Variants in NCAPG2 observed in about 807,000 individuals in gnomAD.
The protein encoded by NCAPG2 is non-SMC condensin II complex subunit G2.
In NCAPG2, 53 loss-of-function variants were observed where a neutral mutation model predicts 141.1. That is an observed-to-expected ratio of 0.38 (90% CI 0.30 to 0.47). NCAPG2 has a LOEUF of 0.47. NCAPG2 is among the 20% of genes least tolerant of loss of function. The pLI is 0.99. For synonymous variants in NCAPG2, 499 were observed against 490.7 expected (o/e 1.02, Z -0.22); for missense variants, 1,087 against 1,389.0 (o/e 0.78, Z 3.46).
chr7:158,643,681 G>A (rs535605404), intron 27 of NCAPG2, among the ~76,000 whole-genome samples: 2 of 152,326 alleles, frequency 1.3e-5, no homozygotes, highest in East Asian at 1.9e-4. Flanking sequence ...GCTTTACAAC[G>A]CTTCACCTAT....
chr7:158,704,279 A>AG (rs747625269), intron 1 of NCAPG2, among the ~76,000 whole-genome samples: 1 of 125,680 alleles, frequency 8.0e-6, no homozygotes, highest in South Asian at 2.8e-4. Flanking sequence ...CTCAGGACTG[A>AG]GGGGGTCGCT....
At chr7:158,689,728 A>T (rs537174479) in intron 6 of NCAPG2, 91 bp downstream of exon 6, 4 of 1,211,654 alleles carry the variant, frequency 3.3e-6, no homozygotes, top group Non-Finnish European at 4.4e-6. Flanking sequence ...AGCAACACCG[A>T]GCATGGTGCA....
At chr7:158,671,758 C>G in intron 12 of NCAPG2, 92 bp from the exon 13 acceptor site, 1 of 1,379,844 alleles carries the variant, frequency 7.2e-7, no homozygotes, top group Non-Finnish European at 1.0e-6. Context: ...ACATTCGGTT[C>G]CATCTTTATT....
intron 2 of NCAPG2, among the ~76,000 whole-genome samples, chr7:158,695,038 T>C (rs1020526262): frequency 1.3e-5 from 2 of 152,198 alleles, no homozygotes; most frequent in Non-Finnish European, 1.5e-5. Flanking sequence ...GCCTCAATTA[T>C]GCAGAAAAAA....
At chr7:158,671,718 G>C in intron 12 of NCAPG2, 52 bp from the exon 13 acceptor site, 1 of 1,578,794 alleles carries the variant, frequency 6.3e-7, no homozygotes, top group Non-Finnish European at 8.6e-7. Flanking sequence ...GCCAATGAAA[G>C]GTTCAGGTAG....
chr7:158,677,525 C>CAAAAAAAAAAAAA, intron 11 of NCAPG2, among the ~76,000 whole-genome samples: 182 of 90,378 alleles, frequency 2.0e-3, no homozygotes, highest in Non-Finnish European at 2.4e-3. Flanking sequence ...AAAAATAAAG[C>CAAAAAAAAAAAAA]AAAAAAAAAA....
intron 26 of NCAPG2, 46 bp downstream of exon 26, chr7:158,645,473 A>G: frequency 6.5e-7 from 1 of 1,536,796 alleles, no homozygotes; most frequent in Non-Finnish European, 9.0e-7. Context: ...AGCACCTGTG[A>G]GGTGCACCAG....
In NCAPG2 at chr7:158,686,187, T is replaced by C; in HGVS notation, c.822A>G (p.Ser274=). 1 of 1,573,534 alleles carries C rather than the reference T, an allele frequency of 6.4e-7. No individual in the cohort carries two copies. Among genetic ancestry groups the C allele is most frequent in the Non-Finnish European group, 8.6e-7 (1 of 1,158,978 alleles). The part of the protein sequence containing the change: ...EIYFRAWKKA[S]GKILEAIEND... ...ATGAAAATACCTCCAGTATTTTCCC[T>C]GAAGCCTTTTTCCAAGCTCTGAAAT... The change falls in exon 8 of 28, where the codon TCA becomes TCG. Residue 274 remains serine (S), a synonymous_variant. Transcript: ENST00000356309.
intron 18 of NCAPG2, 45 bp downstream of exon 18, chr7:158,656,507 T>G (rs1398288666): frequency 1.2e-6 from 2 of 1,612,266 alleles, no homozygotes. Context: ...TAATACACAG[T>G]TATCCTCACT....
Position 158,671,754 on chromosome 7 carries a change from G to A in NCAPG2, c.1327-88C>T, listed in dbSNP as rs2290390. ...GAAAACTTCATTAAAGAAAACATTC[G>A]GTTCCATCTTTATTAGAACTACTAG... On this transcript the variant is annotated intron_variant, in intron 12 of 27. Coordinates refer to ENST00000356309, the MANE Select transcript of NCAPG2 (RefSeq NM_017760.7). 4,949 of 1,414,162 alleles carry A rather than the reference G, an allele frequency of 3.5e-3. 221 individuals are homozygous for A. The East Asian group carries it at 0.094, about 27-fold the overall frequency. The allele number at this position is 1,414,162 out of a possible 1,614,324, so 87.6% of individuals were successfully genotyped here.
At chr7:158,703,862 C>A (rs1330507910) in intron 1 of NCAPG2, among the ~76,000 whole-genome samples, 3 of 152,362 alleles carry the variant, frequency 2.0e-5, no homozygotes, top group South Asian at 2.1e-4. Flanking sequence ...ACAATGCCCA[C>A]GTCCACAGCT....
rs369404266 is a variant in NCAPG2, at chr7:158,662,383, T to C, written c.1816-16A>G. ...TGTCCAGAACCTAAGATAAAAATAA[T>C]TTTATTGTGAAAGGATCTAATCATA... On this transcript the variant is annotated splice_polypyrimidine_tract_variant and intron_variant, in intron 15 of 27. Coordinates refer to ENST00000356309, the MANE Select transcript of NCAPG2 (RefSeq NM_017760.7). 2.8e-5 allele frequency: 43 copies of C among 1,537,536 alleles called. No homozygotes were observed. Among genetic ancestry groups the C allele is most frequent in the Non-Finnish European group, 3.4e-5 (39 of 1,145,070 alleles).
intron 12 of NCAPG2, among the ~76,000 whole-genome samples, chr7:158,672,592 CG>C (rs1020541600): frequency 7.2e-5 from 11 of 152,038 alleles, no homozygotes; most frequent in Middle Eastern, 3.4e-3. Flanking sequence ...CTGCCCGCCT[CG>C]GCCTCCCAAA....
Position 158,632,076 on chromosome 7 carries a change from CA to C in NCAPG2, c.3381-360del, listed in dbSNP as rs555047167. 7.8e-3 allele frequency among the ~76,000 whole-genome samples: 1,188 copies of C among 152,238 alleles called. 13 individuals are homozygous for C. The highest frequency in any genetic ancestry group is 0.027 in the African/African-American group (1,133 of 41,556). ...CCTATTTCTCTATTACACAAGAAAA[CA>C]AGATAAATAAAAACTATGTGACCTA... On this transcript the variant is annotated intron_variant, in intron 27 of 27. Transcript: ENST00000356309.
intron 15 of NCAPG2, among the ~76,000 whole-genome samples, chr7:158,663,200 T>C (rs897084456): frequency 3.3e-5 from 5 of 152,152 alleles, no homozygotes; most frequent in African/African-American, 1.2e-4. Flanking sequence ...TAACGTATAC[T>C]GAGGGAGAAG....
intron 24 of NCAPG2, among the ~76,000 whole-genome samples, chr7:158,647,855 A>T (rs982882133): frequency 6.6e-6 from 1 of 151,994 alleles, no homozygotes; most frequent in African/African-American, 2.4e-5. Flanking sequence ...CTAATTTTTA[A>T]ATATTTTTTA....
intron 24 of NCAPG2, among the ~76,000 whole-genome samples, chr7:158,648,304 T>C (rs745637749): frequency 8.8e-5 from 12 of 137,016 alleles, no homozygotes; most frequent in Non-Finnish European, 1.9e-4. Flanking sequence ...GAGAAATCAC[T>C]AAAAAAAAAA....
At chr7:158,632,132 C>T (rs116201539) in intron 27 of NCAPG2, among the ~76,000 whole-genome samples, 386 of 152,238 alleles carry the variant, frequency 2.5e-3, no homozygotes, top group South Asian at 0.017. Context: ...TGACATTTAC[C>T]TACTACCTCT....
chr7:158,683,157 T>C, intron 9 of NCAPG2, 143 bp downstream of exon 9: 1 of 624,210 alleles, frequency 1.6e-6, no homozygotes, highest in Admixed American at 3.4e-5. Context: ...GGAATAAAAC[T>C]GCCAGACATC....
Sources: gnomAD v4.1 joint callset for allele counts (sites outside exome capture counted in the v4.1 genomes callset) on GRCh38, gnomAD v4.1.1 for gene constraint, MANE v1.5 for transcripts, NCBI Gene and HGNC (gene_info 2026-07-23, HGNC 2026-07-21) for gene names.